TP63: variants seen among roughly 807,000 people sequenced by gnomAD.
TP63 encodes tumor protein p63.
A neutral mutation model predicts 82.8 loss-of-function variants in TP63; 17 were observed. The ratio of observed to expected loss-of-function variants is 0.21; its 90% CI spans 0.14 to 0.31. The LOEUF is 0.31. Ranked by LOEUF, TP63 falls within the 10% of genes least tolerant of loss-of-function variation. The pLI is 1.00. For synonymous variants in TP63, 330 were observed against 321.7 expected, an observed-to-expected ratio of 1.03 and a Z score of -0.28; for missense variants, 648 against 895.3, an observed-to-expected ratio of 0.72 and a Z score of 3.52.
chr3:189,858,132 G>A (rs1414071620), intron 4 of TP63, among the ~76,000 whole-genome samples: 58,504 of 93,050 alleles, frequency 0.63, 19,976 homozygotes, highest in Middle Eastern at 0.77. Flanking sequence ...TAGGCCGGGC[G>A]CGGTGGCTCA....
chr3:189,628,108 A>AG (rs1729360571), upstream of TP63, among the ~76,000 whole-genome samples: 1 of 152,182 alleles, frequency 6.6e-6, no homozygotes, highest in Non-Finnish European at 1.5e-5. Context: ...ATTCAAAAAT[A>AG]GCTAGACTCC....
At chr3:189,889,584 C>T in intron 12 of TP63, 100 bp downstream of exon 12, 1 of 1,526,630 alleles carries the variant, frequency 6.6e-7, no homozygotes, top group Admixed American at 1.7e-5. Context: ...GAAGGGAAGA[C>T]AGCAGTCCTG....
At chr3:189,672,671 AG>A (rs1715017010) in intron 1 of TP63, among the ~76,000 whole-genome samples, 4 of 63,122 alleles carry the variant, frequency 6.3e-5, no homozygotes, top group Non-Finnish European at 1.6e-4. Flanking sequence ...GAAAGAAGGA[AG>A]GAAGGAAGGA....
At position 189,886,401 on chromosome 3, in the gene TP63, A is replaced by T. The variant is rs781491083; in HGVS notation, c.1357A>T (p.Ile453Leu). 6.2e-7 allele frequency: 1 copy of T among 1,614,054 alleles called. No homozygotes were observed. The highest frequency in any genetic ancestry group is 1.7e-5 in the Admixed American group (1 of 60,010). The part of the protein sequence containing the change: ...HQHLLQKQTS[I>L]QSPSSYGNSS... ...CCATGTTTGTCTTCCTAGGACCTCAATACAGTCTCCATCTTCATATGGTAA... is the reference window on the plus strand; with the variant it reads ...CCATGTTTGTCTTCCTAGGACCTCATTACAGTCTCCATCTTCATATGGTAA... Residue 453 changes from isoleucine (I) to leucine (L), a missense_variant, in exon 11 of 14, where the codon ATA (isoleucine) becomes TTA (leucine). Around this residue, in one of 5 missense-constraint regions of TP63, gnomAD observed 342 missense variants for 425.7 expected, o/e 0.80. Transcript: ENST00000264731.
At chr3:189,733,174 C>G (rs1036335045) in intron 1 of TP63, among the ~76,000 whole-genome samples, 1 of 152,016 alleles carries the variant, frequency 6.6e-6, no homozygotes, top group African/African-American at 2.4e-5. Context: ...AAAAAAATAA[C>G]AAAGTAATTA....
chr3:189,653,936 A>G (rs1713105713), intron 1 of TP63, among the ~76,000 whole-genome samples: 1 of 152,162 alleles, frequency 6.6e-6, no homozygotes, highest in Admixed American at 6.5e-5. Context: ...TGAGTGTTTC[A>G]TGGGGTCCTA....
intron 1 of TP63, among the ~76,000 whole-genome samples, chr3:189,634,906 A>G (rs1375013454): frequency 1.3e-5 from 2 of 151,964 alleles, no homozygotes; most frequent in East Asian, 1.9e-4. Context: ...AACTTGGGCA[A>G]TTTTCCATTC....
intron 3 of TP63, among the ~76,000 whole-genome samples, chr3:189,786,317 C>T (rs142062587): frequency 3.9e-5 from 6 of 151,908 alleles, no homozygotes; most frequent in African/African-American, 1.2e-4. Flanking sequence ...AGGCCTTTCA[C>T]GCTGTGTCTG....
intron 3 of TP63, among the ~76,000 whole-genome samples, chr3:189,797,285 T>G (rs911962911): frequency 6.6e-6 from 1 of 152,098 alleles, no homozygotes; most frequent in African/African-American, 2.4e-5. Flanking sequence ...TTCTACTTTC[T>G]TATTGGTGCT....
chr3:189,779,593 G>C (rs967439640), intron 3 of TP63, among the ~76,000 whole-genome samples: 1 of 152,202 alleles, frequency 6.6e-6, no homozygotes, highest in African/African-American at 2.4e-5. Flanking sequence ...CCTGCACAAT[G>C]TTCAGGCATG....
At chr3:189,736,383 A>G (rs1577326214) in intron 1 of TP63, among the ~76,000 whole-genome samples, 2 of 152,136 alleles carry the variant, frequency 1.3e-5, no homozygotes, top group East Asian at 1.9e-4. Context: ...TTTCCATTAT[A>G]GTGTTTTGTT....
chr3:189,786,676 G>A (rs561940851), intron 3 of TP63, among the ~76,000 whole-genome samples: 1 of 152,076 alleles, frequency 6.6e-6, no homozygotes, highest in African/African-American at 2.4e-5. Context: ...TACCCAGGGG[G>A]CAGCGTGACC....
chr3:189,858,131 C>CAGAAAAACATAATGAAATCCT (rs1189546249), intron 4 of TP63, among the ~76,000 whole-genome samples: 2 of 14,030 alleles, frequency 1.4e-4, no homozygotes, highest in Admixed American at 7.1e-4. Context: ...ATAGGCCGGG[C>CAGAAAAACATAATGAAATCCT]GCGGTGGCTC....
rs138911820 is a variant in TP63 at position 189,713,846 on chromosome 3, TAATAA to T, written c.63-23888_63-23884del. On this transcript the variant is annotated intron_variant, in intron 1 of 13. Transcript: ENST00000264731. ...TTCAATAAATAAGTCCATAATAATA[TAATAA>T]AATAAGTAGCAAATCAATTTCTAAG... 6.9e-3 allele frequency among the ~76,000 whole-genome samples: 1,048 copies of T among 152,270 alleles called. 10 individuals carry two copies. Among genetic ancestry groups the T allele is most frequent in the African/African-American group, 0.024 (1,009 of 41,554 alleles).
intron 1 of TP63, among the ~76,000 whole-genome samples, chr3:189,652,455 T>C (rs554578846): frequency 1.4e-5 from 2 of 147,360 alleles, no homozygotes; most frequent in South Asian, 2.2e-4. Context: ...GTACCCTTAT[T>C]GTATCTAGGA....
chr3:189,656,794 T>G (rs1417132101), intron 1 of TP63, among the ~76,000 whole-genome samples: 3 of 152,028 alleles, frequency 2.0e-5, no homozygotes, highest in Non-Finnish European at 4.4e-5. Flanking sequence ...ATAGCAACAC[T>G]AAATGTGTAT....
At chr3:189,760,403 A>C (rs567129556) in intron 3 of TP63, among the ~76,000 whole-genome samples, 24 of 152,356 alleles carry the variant, frequency 1.6e-4, no homozygotes, top group African/African-American at 5.5e-4. Context: ...GAAATTGGCC[A>C]AAACAAAGGG....
At chr3:189,856,876 A>C (rs747666921) in intron 4 of TP63, among the ~76,000 whole-genome samples, 37 of 152,046 alleles carry the variant, frequency 2.4e-4, no homozygotes, top group Non-Finnish European at 4.0e-4. Context: ...AATTAAAGAT[A>C]CTCTGTTTAA....
At chr3:189,805,347 A>G (rs945173604) in intron 3 of TP63, among the ~76,000 whole-genome samples, 4 of 152,362 alleles carry the variant, frequency 2.6e-5, no homozygotes, top group East Asian at 1.9e-4. Context: ...TTTCCCAGAA[A>G]GTATGGCCTC....
Sources: gnomAD v4.1 joint callset for allele counts (sites outside exome capture counted in the v4.1 genomes callset) on GRCh38, gnomAD v4.1.1 for gene constraint, gnomAD v4.1.1 regional missense constraint, MANE v1.5 for transcripts, NCBI Gene and HGNC (gene_info 2026-07-23, HGNC 2026-07-21) for gene names.